The following TMEM117 variants were observed in gnomAD, a reference collection of about 807,000 sequenced individuals.
The protein encoded by TMEM117 is transmembrane protein 117.
TMEM117 carries 27 observed loss-of-function variants against 52.4 expected under a neutral mutation model. That is an observed-to-expected ratio of 0.51 (90% CI 0.38 to 0.71). The LOEUF (loss-of-function observed/expected upper bound fraction) is 0.71, where lower values mean the gene tolerates loss of function less well. TMEM117 is among the 30% of genes least tolerant of loss of function. The pLI is 0.00. For missense variants in TMEM117, 556 were observed against 630.5 expected (o/e 0.88, Z 1.26); for synonymous variants, 215 against 206.3 (o/e 1.04, Z -0.36).
intron 2 of TMEM117, among the ~76,000 whole-genome samples, chr12:43,931,631 T>A (rs1944872558): frequency 6.6e-6 from 1 of 152,256 alleles, no homozygotes; most frequent in African/African-American, 2.4e-5. Context: ...TTAAAGTTCT[T>A]GTATTGTCTA....
Position 44,388,135 on chromosome 12 carries a change from G to C in TMEM117, c.1008G>C (p.Pro336=). The change falls in exon 8 of 8, where the codon CCG becomes CCC. Residue 336 remains proline, a synonymous_variant. Coordinates refer to ENST00000266534, the MANE Select transcript of TMEM117 (RefSeq NM_032256.3). ...KPHEYGQYIG[P]GQKIYTVKDS... ...ATGAATATGGGCAATATATCGGCCC[G>C]GGGCAGAAGATATATACAGTGAAAG... 1 of 1,613,048 alleles carries C rather than the reference G, an allele frequency of 6.2e-7. No homozygotes were observed.
chr12:44,272,530 A>G (rs1269254681), intron 5 of TMEM117, among the ~76,000 whole-genome samples: 1 of 152,176 alleles, frequency 6.6e-6, no homozygotes, highest in Non-Finnish European at 1.5e-5. Flanking sequence ...TTTACAAGAA[A>G]AAAACAACCC....
intron 3 of TMEM117, among the ~76,000 whole-genome samples, chr12:44,016,491 C>T (rs1486954061): frequency 6.6e-6 from 1 of 152,130 alleles, no homozygotes; most frequent in Non-Finnish European, 1.5e-5. Flanking sequence ...AGCTTTCTTC[C>T]GTCTAACTTA....
chr12:44,352,380 G>A (rs544120603), intron 6 of TMEM117, among the ~76,000 whole-genome samples: 1 of 152,012 alleles, frequency 6.6e-6, no homozygotes, highest in East Asian at 1.9e-4. Context: ...GTGCCATGTT[G>A]GTGTGCTGCA....
At chr12:43,899,840 G>A (rs1302106787) in intron 2 of TMEM117, among the ~76,000 whole-genome samples, 2 of 143,464 alleles carry the variant, frequency 1.4e-5, no homozygotes, top group Admixed American at 1.5e-4. Context: ...AGCAGACAGA[G>A]CTGGATTTGC....
intron 5 of TMEM117, among the ~76,000 whole-genome samples, chr12:44,283,859 C>T (rs375585065): frequency 7.2e-5 from 11 of 152,194 alleles, no homozygotes; most frequent in African/African-American, 2.6e-4. Flanking sequence ...AGAATTCCCA[C>T]GTGTTGCGGG....
intron 6 of TMEM117, among the ~76,000 whole-genome samples, chr12:44,347,339 A>C (rs557057166): frequency 1.8e-4 from 27 of 152,218 alleles, no homozygotes; most frequent in African/African-American, 6.0e-4. Flanking sequence ...TGATAGAATC[A>C]TACAAATCTC....
chr12:44,280,562 A>G (rs1038482409), intron 5 of TMEM117, among the ~76,000 whole-genome samples: 2 of 151,328 alleles, frequency 1.3e-5, no homozygotes, highest in African/African-American at 4.9e-5. Context: ...CTTCTATAGC[A>G]TCTTTTTTTT....
intron 2 of TMEM117, among the ~76,000 whole-genome samples, chr12:43,908,730 A>T (rs909027905): frequency 6.6e-6 from 1 of 152,200 alleles, no homozygotes; most frequent in Non-Finnish European, 1.5e-5. Flanking sequence ...TAAGCCAAAA[A>T]AGATCAAAAC....
intron 3 of TMEM117, among the ~76,000 whole-genome samples, chr12:43,981,809 TATC>T (rs1475866811): frequency 6.6e-6 from 1 of 151,982 alleles, no homozygotes; most frequent in Non-Finnish European, 1.5e-5. Context: ...AAAATGTAGG[TATC>T]ATAGAAGCAG....
intron 3 of TMEM117, among the ~76,000 whole-genome samples, chr12:44,088,373 G>GA (rs1257414231): frequency 2.0e-5 from 3 of 152,130 alleles, no homozygotes; most frequent in Non-Finnish European, 4.4e-5. Context: ...TTACAGGTAA[G>GA]AAAAAATTAT....
chr12:44,025,114 G>C (rs939264910), intron 3 of TMEM117, among the ~76,000 whole-genome samples: 3 of 152,142 alleles, frequency 2.0e-5, no homozygotes. Flanking sequence ...CTCCTGTATA[G>C]AATGCAGATT....
At chr12:43,821,012 A>G in the TMEM117 span, among the ~76,000 whole-genome samples, 16 of 151,630 alleles carry the variant, frequency 1.1e-4, no homozygotes, top group South Asian at 2.1e-4. Flanking sequence ...GGAGAATGGC[A>G]TGAACCCGGG....
intron 5 of TMEM117, among the ~76,000 whole-genome samples, chr12:44,238,460 G>T (rs1255208901): frequency 1.3e-5 from 2 of 151,902 alleles, no homozygotes; most frequent in Non-Finnish European, 2.9e-5. Context: ...TACATATATC[G>T]CTATGAAAAA....
intron 4 of TMEM117, among the ~76,000 whole-genome samples, chr12:44,195,252 T>C (rs886965312): frequency 2.0e-5 from 3 of 152,142 alleles, no homozygotes; most frequent in African/African-American, 7.2e-5. Flanking sequence ...AGGGCTGAGG[T>C]CCCTGTTTCC....
intron 6 of TMEM117, among the ~76,000 whole-genome samples, 184 bp downstream of exon 6, chr12:44,299,923 T>C (rs533986378): frequency 1.3e-5 from 2 of 152,208 alleles, no homozygotes; most frequent in East Asian, 3.9e-4. Flanking sequence ...TGGACTTTTA[T>C]AAGAGGGGCA....
At chr12:43,949,835 TC>T in intron 3 of TMEM117, among the ~76,000 whole-genome samples, 1 of 152,182 alleles carries the variant, frequency 6.6e-6, no homozygotes, top group South Asian at 2.1e-4. Context: ...GAAAAATATC[TC>T]CCGGGGAACT....
chr12:43,861,487 T>C (rs1334429443), intron 2 of TMEM117, among the ~76,000 whole-genome samples: 1 of 152,236 alleles, frequency 6.6e-6, no homozygotes, highest in Admixed American at 6.5e-5. Context: ...ATCCACTGAA[T>C]TTTGTAAACA....
intron 2 of TMEM117, among the ~76,000 whole-genome samples, chr12:43,865,044 A>T (rs1190068393): frequency 6.6e-6 from 1 of 152,072 alleles, no homozygotes; most frequent in Non-Finnish European, 1.5e-5. Flanking sequence ...GAGACTACGA[A>T]CCCACCAGAA....
Sources: allele counts gnomAD v4.1 joint callset (sites outside exome capture counted in the v4.1 genomes callset), GRCh38; gene constraint gnomAD v4.1.1; transcripts MANE v1.5; gene names NCBI Gene and HGNC (gene_info 2026-07-23, HGNC 2026-07-21).